Variants in SETBP1 observed in about 807,000 individuals in gnomAD.
The protein encoded by SETBP1 is SET binding protein 1.
SETBP1 carries 9 observed loss-of-function variants against 101.0 expected under a neutral mutation model. The ratio of observed to expected loss-of-function variants is 0.09; its 90% CI spans 0.05 to 0.16. The LOEUF (loss-of-function observed/expected upper bound fraction) is 0.16, where lower values mean the gene tolerates loss of function less well. Among genes scored for constraint, SETBP1 ranks in the 10% least tolerant of loss-of-function variants. The probability of loss-of-function intolerance (pLI) is 1.00; values close to 1 mark genes in which losing one functional copy is unlikely to be tolerated. For synonymous variants in SETBP1, 818 were observed against 788.5 expected (o/e 1.04, Z -0.63); for missense variants, 1,858 against 2,033.8 (o/e 0.91, Z 1.66).
At chr18:44,682,351 G>A (rs1389934956) in intron 1 of SETBP1, among the ~76,000 whole-genome samples, 1 of 152,172 alleles carries the variant, frequency 6.6e-6, no homozygotes, top group Non-Finnish European at 1.5e-5. Context: ...TGGGCATTCC[G>A]GGGAGAGTTT....
intron 3 of SETBP1, among the ~76,000 whole-genome samples, chr18:44,940,779 G>T (rs1463809597): frequency 6.6e-6 from 1 of 152,090 alleles, no homozygotes; most frequent in Non-Finnish European, 1.5e-5. Context: ...AGAATATTTT[G>T]TATACACCAA....
rs138068827 is a variant in SETBP1, at chr18:44,914,107, G to A, written c.541-35774G>A. 4.4e-3 allele frequency among the ~76,000 whole-genome samples: 663 copies of A among 152,302 alleles called. 8 individuals are homozygous for A. Among genetic ancestry groups the A allele is most frequent in the African/African-American group, 0.014 (596 of 41,564 alleles). On this transcript the variant is annotated intron_variant, in intron 3 of 5. Coordinates refer to ENST00000649279, the MANE Select transcript of SETBP1 (RefSeq NM_015559.3). ...TGGAGCTGCAGAAGGCACTCCCATC[G>A]TCTCTACTCCCAGACACGCCTTTCT...
chr18:44,782,065 G>A (rs1178351488), intron 2 of SETBP1, among the ~76,000 whole-genome samples: 5 of 152,200 alleles, frequency 3.3e-5, no homozygotes, highest in African/African-American at 1.2e-4. Context: ...GGGGATTAGG[G>A]AAAATGAAGT....
At chr18:45,014,547 A>G (rs1008436154) in intron 4 of SETBP1, among the ~76,000 whole-genome samples, 5 of 152,220 alleles carry the variant, frequency 3.3e-5, no homozygotes, top group East Asian at 1.9e-4. Flanking sequence ...GCTCTGGCCT[A>G]GGGACGGCTT....
At chr18:44,922,757 T>G (rs1347603733) in intron 3 of SETBP1, among the ~76,000 whole-genome samples, 1 of 152,146 alleles carries the variant, frequency 6.6e-6, no homozygotes, top group African/African-American at 2.4e-5. Flanking sequence ...CTGGGTGAAG[T>G]GTCTCTCTCC....
At chr18:44,745,146 A>G (rs989127716) in intron 2 of SETBP1, among the ~76,000 whole-genome samples, 1 of 152,188 alleles carries the variant, frequency 6.6e-6, no homozygotes, top group Non-Finnish European at 1.5e-5. Context: ...CCTTTTGGGT[A>G]GAATCTCTTC....
At chr18:44,926,522 T>C (rs956275862) in intron 3 of SETBP1, among the ~76,000 whole-genome samples, 3 of 152,164 alleles carry the variant, frequency 2.0e-5, no homozygotes, top group African/African-American at 7.2e-5. Context: ...AGCTTCCTCG[T>C]GCCCCATCTC....
At chr18:44,830,753 T>C (rs973653498) in intron 2 of SETBP1, among the ~76,000 whole-genome samples, 1 of 152,206 alleles carries the variant, frequency 6.6e-6, no homozygotes, top group Admixed American at 6.5e-5. Context: ...CACACACAAG[T>C]TTTAAACATT....
At chr18:44,987,539 G>A (rs1302534462) in intron 4 of SETBP1, 1 of 152,176 alleles carries the variant, frequency 6.6e-6, no homozygotes, top group Non-Finnish European at 1.5e-5. Flanking sequence ...CCTTTGAAAG[G>A]AAGATGTGAT....
rs2073943843 is a variant in SETBP1, at chr18:45,064,615, T to G, written c.*917T>G. On this transcript the variant is annotated 3_prime_UTR_variant, in exon 6 of 6. Transcript: ENST00000649279. ...AGCCAAGGATATGTTGACCCAGATG[T>G]CAACCAGGCTATTTTTATACTTAAA... The G allele has an allele frequency of 6.6e-6, 1 of 152,100 alleles. No individual in the cohort carries two copies. Among genetic ancestry groups the G allele is most frequent in the Non-Finnish European group, 1.5e-5 (1 of 67,998 alleles). The allele number at this position is 152,100 out of a possible 1,614,324, so 9.4% of individuals were successfully genotyped here. A position where few individuals can be genotyped will look rare whatever the true frequency, so the allele number is the denominator to read the frequency against.
At chr18:44,717,944 A>G (rs981032936) in intron 2 of SETBP1, among the ~76,000 whole-genome samples, 1 of 152,134 alleles carries the variant, frequency 6.6e-6, no homozygotes, top group Admixed American at 6.6e-5. Context: ...TTGTGTGTGC[A>G]TTTTAACTTC....
At chr18:45,039,879 C>T (rs2073474868) in intron 5 of SETBP1, among the ~76,000 whole-genome samples, 2 of 152,164 alleles carry the variant, frequency 1.3e-5, no homozygotes, top group African/African-American at 2.4e-5. Context: ...AATGACACTT[C>T]CCCAATTGAA....
intron 2 of SETBP1, among the ~76,000 whole-genome samples, chr18:44,726,399 T>G (rs1291419227): frequency 6.6e-6 from 1 of 152,244 alleles, no homozygotes; most frequent in Non-Finnish European, 1.5e-5. Flanking sequence ...AATCTAAGCC[T>G]ACTACCTGCA....
At chr18:44,992,538 T>A (rs1271860704) in intron 4 of SETBP1, among the ~76,000 whole-genome samples, 1 of 152,004 alleles carries the variant, frequency 6.6e-6, no homozygotes, top group Non-Finnish European at 1.5e-5. Context: ...TAATTGCAAA[T>A]GCAATTGAGA....
At chr18:44,754,315 T>C (rs2070448008) in intron 2 of SETBP1, among the ~76,000 whole-genome samples, 1 of 152,206 alleles carries the variant, frequency 6.6e-6, no homozygotes, top group Non-Finnish European at 1.5e-5. Flanking sequence ...TTCTGTAGGG[T>C]ACTTTATGTA....
At chr18:45,017,019 C>T (rs1290114694) in intron 4 of SETBP1, among the ~76,000 whole-genome samples, 1 of 152,128 alleles carries the variant, frequency 6.6e-6, no homozygotes, top group Non-Finnish European at 1.5e-5. Context: ...CATCATCAGC[C>T]TTTTTGTCTC....
intron 2 of SETBP1, among the ~76,000 whole-genome samples, chr18:44,843,923 A>T (rs2144542808): frequency 6.6e-6 from 1 of 152,192 alleles, no homozygotes; most frequent in African/African-American, 2.4e-5. Flanking sequence ...AGAGGATGTT[A>T]TTTTCCACAA....
chr18:45,004,345 G>A (rs1462836118), intron 4 of SETBP1, among the ~76,000 whole-genome samples: 1 of 152,196 alleles, frequency 6.6e-6, no homozygotes, highest in African/African-American at 2.4e-5. Context: ...GATGGTTGGC[G>A]TGATGATTGG....
At chr18:45,037,361 G>T (rs1172360323) in intron 4 of SETBP1, among the ~76,000 whole-genome samples, 2 of 152,068 alleles carry the variant, frequency 1.3e-5, no homozygotes, top group Non-Finnish European at 1.5e-5. Flanking sequence ...TTGCTTGCTG[G>T]TTACCACTGG....
Sources: allele counts gnomAD v4.1 joint callset (sites outside exome capture counted in the v4.1 genomes callset), GRCh38; gene constraint gnomAD v4.1.1; transcripts MANE v1.5; gene names NCBI Gene and HGNC (gene_info 2026-07-23, HGNC 2026-07-21).